The following CNTNAP5 variants were observed in gnomAD, a reference collection of about 807,000 sequenced individuals.
The protein encoded by CNTNAP5 is contactin associated protein family member 5, also known as contactin-associated protein-like 5.
CNTNAP5 carries 72 observed loss-of-function variants against 150.2 expected under a neutral mutation model. The observed-to-expected ratio is 0.48, with a 90% CI of 0.40 to 0.58. The LOEUF is 0.58. Among genes scored for constraint, CNTNAP5 ranks in the 20% least tolerant of loss-of-function variants. The probability of loss-of-function intolerance (pLI) is 0.00; values close to 1 mark genes in which losing one functional copy is unlikely to be tolerated. For missense variants in CNTNAP5, 1,636 were observed against 1,626.2 expected (o/e 1.01, Z -0.10); for synonymous variants, 672 against 619.8 (o/e 1.08, Z -1.25).
intron 3 of CNTNAP5, among the ~76,000 whole-genome samples, chr2:124,343,281 A>G (rs1314262330): frequency 6.6e-6 from 1 of 152,230 alleles, no homozygotes; most frequent in Non-Finnish European, 1.5e-5. Context: ...ATTGCATACA[A>G]TCTTTGGACA....
chr2:124,641,874 A>G (rs1192983869), intron 12 of CNTNAP5, among the ~76,000 whole-genome samples: 2 of 151,322 alleles, frequency 1.3e-5, no homozygotes, highest in Non-Finnish European at 3.0e-5. Flanking sequence ...GGTCTTATTA[A>G]TCAGAGTTAT....
chr2:124,862,913 T>C (rs751618534), intron 19 of CNTNAP5, among the ~76,000 whole-genome samples: 1 of 152,138 alleles, frequency 6.6e-6, no homozygotes, highest in Non-Finnish European at 1.5e-5. Context: ...AGTGAAGTAT[T>C]TGTATGGCTT....
chr2:124,560,616 T>C (rs1180977666), intron 10 of CNTNAP5, among the ~76,000 whole-genome samples: 1 of 127,684 alleles, frequency 7.8e-6, no homozygotes, highest in Admixed American at 9.1e-5. Flanking sequence ...ATTCTGTTAG[T>C]TGAATGTAAG....
chr2:124,651,513 A>G (rs994549560), intron 13 of CNTNAP5, among the ~76,000 whole-genome samples: 2 of 152,200 alleles, frequency 1.3e-5, no homozygotes, highest in Admixed American at 6.5e-5. Context: ...CCCATCTGAT[A>G]TTTCAGGAAA....
At position 124,914,199 on chromosome 2, in the gene CNTNAP5, G is replaced by C. The variant is rs749753378; in HGVS notation, c.3835G>C (p.Glu1279Gln). 6.2e-7 allele frequency: 1 copy of C among 1,612,598 alleles called. No homozygotes were observed. The highest frequency in any genetic ancestry group is 2.2e-5 in the East Asian group (1 of 44,772). Residue 1279 changes from glutamate (E) to glutamine (Q), a missense_variant, in exon 24 of 24, where the codon GAA (glutamate) becomes CAA (glutamine). Physicochemically the swap from Glu to Gln is conservative, Grantham distance 29. Coordinates refer to ENST00000682447, the MANE Select transcript of CNTNAP5 (RefSeq NM_001367498.1). The part of the protein sequence containing the change: ...SHRTSQMKEK[E>Q]YPENLDSSFR... ...TCGTACGAGCCAGATGAAGGAGAAG[G>C]AATATCCAGAAAATTTGGACAGTTC...
chr2:124,847,001 G>A (rs1390392305), intron 19 of CNTNAP5, among the ~76,000 whole-genome samples: 1 of 152,216 alleles, frequency 6.6e-6, no homozygotes. Flanking sequence ...GACTCTGTGA[G>A]GGTCTTTGGT....
chr2:124,410,664 C>A (rs145128200), intron 3 of CNTNAP5, among the ~76,000 whole-genome samples: 54,052 of 146,650 alleles, frequency 0.37, 12,586 homozygotes, highest in Non-Finnish European at 0.51. Context: ...AGAAATAAAG[C>A]TGTTCTTTGA....
At chr2:124,060,302 T>G (rs1029722616) in intron 1 of CNTNAP5, among the ~76,000 whole-genome samples, 1 of 152,336 alleles carries the variant, frequency 6.6e-6, no homozygotes, top group African/African-American at 2.4e-5. Flanking sequence ...TGAGTGAGTT[T>G]GTTTTACTGC....
At chr2:124,153,772 G>A (rs538690954) in intron 1 of CNTNAP5, among the ~76,000 whole-genome samples, 4 of 151,612 alleles carry the variant, frequency 2.6e-5, no homozygotes, top group East Asian at 2.0e-4. Context: ...ACCACACCCC[G>A]CTAATTTTTG....
intron 1 of CNTNAP5, among the ~76,000 whole-genome samples, chr2:124,147,563 G>A (rs928216942): frequency 1.3e-5 from 2 of 152,258 alleles, no homozygotes; most frequent in African/African-American, 4.8e-5. Context: ...GTTGAGTGAA[G>A]TGATGCAATC....
intron 13 of CNTNAP5, among the ~76,000 whole-genome samples, chr2:124,686,764 T>C (rs1013203124): frequency 2.0e-5 from 3 of 152,164 alleles, no homozygotes. Context: ...GCAATAGATA[T>C]GTGGAGCTTT....
At chr2:124,279,169 T>C (rs1052158986) in intron 3 of CNTNAP5, among the ~76,000 whole-genome samples, 2 of 152,092 alleles carry the variant, frequency 1.3e-5, no homozygotes, top group Non-Finnish European at 2.9e-5. Context: ...TCAAGTGTTC[T>C]AGTTTGGAGG....
At chr2:124,272,221 A>G (rs1687777141) in intron 3 of CNTNAP5, among the ~76,000 whole-genome samples, 3 of 152,200 alleles carry the variant, frequency 2.0e-5, no homozygotes, top group Admixed American at 6.5e-5. Flanking sequence ...TATTTCTGAG[A>G]TATTTTTAGT....
chr2:124,599,022 C>T (rs1696910816), intron 11 of CNTNAP5, among the ~76,000 whole-genome samples: 1 of 152,076 alleles, frequency 6.6e-6, no homozygotes, highest in South Asian at 2.1e-4. Context: ...TGCGCACACC[C>T]ACTGGCCTGC....
chr2:124,267,508 G>T (rs1436737716), intron 3 of CNTNAP5, among the ~76,000 whole-genome samples: 1 of 152,066 alleles, frequency 6.6e-6, no homozygotes, highest in Non-Finnish European at 1.5e-5. Context: ...TCATTTAATT[G>T]TGAAGTGTAA....
At chr2:124,674,496 CCTTT>C (rs1326070483) in intron 13 of CNTNAP5, among the ~76,000 whole-genome samples, 26 of 113,752 alleles carry the variant, frequency 2.3e-4, no homozygotes, top group African/African-American at 5.4e-4. Context: ...CTCTCTACTT[CCTTT>C]CTTTCTTTCT....
intron 7 of CNTNAP5, among the ~76,000 whole-genome samples, chr2:124,475,324 A>G (rs1192030026): frequency 1.3e-5 from 2 of 152,068 alleles, no homozygotes; most frequent in African/African-American, 4.8e-5. Context: ...AGTGTGTTTG[A>G]GATTCTCATT....
chr2:124,806,833 G>C (rs1193229861), intron 19 of CNTNAP5, among the ~76,000 whole-genome samples: 1 of 152,018 alleles, frequency 6.6e-6, no homozygotes, highest in Non-Finnish European at 1.5e-5. Context: ...AAACTCACTT[G>C]AAAGATGTGG....
rs753754823 is a variant in CNTNAP5 at position 124,798,265 on chromosome 2, GC to G, written c.3163del (p.Leu1055SerfsTer27). On this transcript the variant is annotated frameshift_variant, in exon 19 of 24. Transcript: ENST00000682447. LOFTEE classifies it high-confidence loss of function. The part of the protein sequence containing the change: ...FVTTQAPSLL[L>X]FINSSSQDFV... Reference sequence around the variant, plus strand: ...TGACAACCCAGGCACCCAGTCTTTTGCTCTTTATCAATTCTTCTTCTCAGGA... The same window carrying G: ...TGACAACCCAGGCACCCAGTCTTTTGTCTTTATCAATTCTTCTTCTCAGGA... 1 of 1,613,908 alleles carries G rather than the reference GC, an allele frequency of 6.2e-7. No homozygotes were observed. The highest frequency in any genetic ancestry group is 1.3e-5 in the African/African-American group (1 of 75,044).
Sources: gnomAD v4.1 joint callset for allele counts (sites outside exome capture counted in the v4.1 genomes callset) on GRCh38, gnomAD v4.1.1 for gene constraint, MANE v1.5 for transcripts, NCBI Gene and HGNC (gene_info 2026-07-23, HGNC 2026-07-21) for gene names.